The following ING3 variants were observed in gnomAD, a reference collection of about 807,000 sequenced individuals.
The protein encoded by ING3 is inhibitor of growth family member 3.
In ING3, 6 loss-of-function variants were observed where a neutral mutation model predicts 64.8. The ratio of observed to expected loss-of-function variants is 0.09; its 90% confidence interval spans 0.05 to 0.18. The LOEUF (loss-of-function observed/expected upper bound fraction) is 0.18. Ranked by LOEUF, ING3 falls within the 10% of genes least tolerant of loss-of-function variation. The probability of loss-of-function intolerance (pLI) is 1.00; values close to 1 mark genes in which losing one functional copy is unlikely to be tolerated. For missense variants in ING3, 310 were observed against 489.7 expected (o/e 0.63, Z 3.46); for synonymous variants, 170 against 173.7 (o/e 0.98, Z 0.17).
intron 4 of ING3, chr7:120,956,346 C>T (rs191092473): frequency 1.7e-5 from 23 of 1,382,788 alleles, no homozygotes; most frequent in Non-Finnish European, 2.0e-5. Context: ...TCACTTTTGG[C>T]TAACTTCAGT....
Position 120,968,058 on chromosome 7 carries a change from G to A in ING3, c.681G>A (p.Met227Ile). ...GAACTGGTGCAGGGGCAATTACCAT[G>A]GCAGCTGCTCAAGCAGTTCAGGCTA... ...SSGTGAGAIT[M>I]AAAQAVQATA... The change falls in exon 8 of 12, where the codon ATG (methionine) becomes ATA (isoleucine). Residue 227 changes from methionine (M) to isoleucine (I), a missense_variant. Met to Ile is a conservative substitution (Grantham distance 10). This residue lies in a region of ING3 where 233 missense variants were observed against 289.4 expected (regional missense o/e 0.81). Coordinates refer to ENST00000315870, the MANE Select transcript of ING3 (RefSeq NM_019071.3). 6.2e-7 allele frequency: 1 copy of A among 1,614,040 alleles called. No individual in the cohort carries two copies. The highest frequency in any genetic ancestry group is 8.5e-7 in the Non-Finnish European group (1 of 1,180,000).
rs1796132650 is a variant in ING3 at position 120,976,244 on chromosome 7, A to G, written c.*1400A>G. On this transcript the variant is annotated 3_prime_UTR_variant, in exon 12 of 12. Transcript: ENST00000315870. ...ACTTAATATATCATATATATTTTAT[A>G]TTGAAACTTACTGGGTCCATCAGAT... The G allele has an allele frequency of 6.6e-6, 1 of 152,194 alleles. No individual in the cohort carries two copies. The allele number at this position is 152,194 out of a possible 1,614,324, so 9.4% of individuals were successfully genotyped here.
At position 120,951,166 on chromosome 7, in the gene ING3, A is replaced by G. The variant is rs780962589; in HGVS notation, c.31A>G (p.Ile11Val). ...CTGACGGACTCTCCCTTTGACAGTG[A>G]TTGAGCAGCTTCCTATGGATCTGCG... The part of the protein sequence containing the change: MLYLEDYLEM[I>V]EQLPMDLRDR... Residue 11 changes from isoleucine (I) to valine (V), a missense_variant and splice_region_variant, in exon 2 of 12, where the codon ATT becomes GTT. Transcript: ENST00000315870. The G allele has an allele frequency of 1.2e-5, 20 of 1,613,924 alleles. No individual in the cohort carries two copies. In the South Asian group the frequency reaches 1.4e-4, roughly 12 times the overall value.
At chr7:120,952,777 A>G (rs1795786756) in intron 2 of ING3, among the ~76,000 whole-genome samples, 1 of 151,692 alleles carries the variant, frequency 6.6e-6, no homozygotes, top group Non-Finnish European at 1.5e-5. Flanking sequence ...TTTTTAGCAG[A>G]CATCCAATGA....
intron 5 of ING3, among the ~76,000 whole-genome samples, chr7:120,965,850 AG>A (rs1795990715): frequency 6.6e-6 from 1 of 152,176 alleles, no homozygotes; most frequent in South Asian, 2.1e-4. Context: ...AAAGATAATA[AG>A]TATTTTGAGA....
chr7:120,955,690 A>G (rs1584987841), intron 4 of ING3, 66 bp downstream of exon 4: 2 of 1,066,554 alleles, frequency 1.9e-6, no homozygotes, highest in Non-Finnish European at 2.9e-6. Context: ...CTTAAATTGT[A>G]TTGGCTTAAA....
In ING3 at chr7:120,967,914, T is replaced by A; in HGVS notation, c.557-20T>A. The A allele has an allele frequency of 6.2e-7, 1 of 1,612,148 alleles. No homozygotes were observed. Among genetic ancestry groups the A allele is most frequent in the Non-Finnish European group, 8.5e-7 (1 of 1,178,740 alleles). On this transcript the variant is annotated intron_variant, in intron 7 of 11. Transcript: ENST00000315870. ...TATGTTCTCTGCAACCATTTTTATT[T>A]CTTTTTTACATCTACACAGGTTGTC...
At chr7:120,972,360 A>T (rs1173921156) in intron 10 of ING3, among the ~76,000 whole-genome samples, 1 of 152,150 alleles carries the variant, frequency 6.6e-6, no homozygotes, top group Non-Finnish European at 1.5e-5. Flanking sequence ...TGCCAGTCTG[A>T]TTTTTAAAAA....
intron 5 of ING3, 115 bp downstream of exon 5, chr7:120,964,953 C>T: frequency 2.6e-6 from 2 of 756,766 alleles, no homozygotes; most frequent in Non-Finnish European, 4.5e-6. Context: ...TGGTGGCATC[C>T]AGGCCAGATA....
intron 5 of ING3, among the ~76,000 whole-genome samples, chr7:120,965,881 T>C (rs1338259617): frequency 6.6e-6 from 1 of 152,198 alleles, no homozygotes; most frequent in East Asian, 1.9e-4. Context: ...AAATTCTGTA[T>C]CTGCTTTGAT....
chr7:120,967,863 A>G, intron 7 of ING3, 71 bp from the exon 8 acceptor site: 1 of 1,477,284 alleles, frequency 6.8e-7, no homozygotes, highest in Non-Finnish European at 9.3e-7. Flanking sequence ...GTGCTGGGAA[A>G]TAATGTAATT....
intron 4 of ING3, among the ~76,000 whole-genome samples, chr7:120,958,544 C>A (rs80226498): frequency 1.3e-5 from 2 of 152,174 alleles, no homozygotes; most frequent in African/African-American, 4.8e-5. Flanking sequence ...ATACTTCTTG[C>A]GTCTACACTT....
intron 2 of ING3, among the ~76,000 whole-genome samples, chr7:120,951,814 T>G (rs1048520666): frequency 6.6e-6 from 1 of 152,256 alleles, no homozygotes; most frequent in Non-Finnish European, 1.5e-5. Context: ...GTTTCTTATG[T>G]GCTGTACTAA....
intron 1 of ING3, 98 bp from the exon 2 acceptor site, chr7:120,951,066 C>A: frequency 6.6e-7 from 1 of 1,521,094 alleles, no homozygotes; most frequent in Non-Finnish European, 9.1e-7. Flanking sequence ...TCGTTGTGGG[C>A]TGCCGGCCCC....
intron 1 of ING3, 60 bp downstream of exon 1, chr7:120,950,984 G>C (rs1432218917): frequency 6.3e-7 from 1 of 1,591,782 alleles, no homozygotes; most frequent in Non-Finnish European, 8.6e-7. Flanking sequence ...AAGAGCGCGA[G>C]TGGACGGGCA....
chr7:120,974,228 T>A (rs1796106694), intron 11 of ING3, among the ~76,000 whole-genome samples: 1 of 152,172 alleles, frequency 6.6e-6, no homozygotes, highest in Admixed American at 6.5e-5. Context: ...GTTTTCTGCT[T>A]AATATGTTTC....
chr7:120,951,247 C>A lies in ING3; in HGVS notation c.100+12C>A, dbSNP rs113378963. Reference sequence around the variant, plus strand: ...CCTGCAGGTGCAGAGTAAGTCGGCGCGTCTACTACTCCTGTTCGCTGCGCG... The same window carrying A: ...CCTGCAGGTGCAGAGTAAGTCGGCGAGTCTACTACTCCTGTTCGCTGCGCG... On this transcript the variant is annotated intron_variant, in intron 2 of 11. Coordinates refer to ENST00000315870, the MANE Select transcript of ING3 (RefSeq NM_019071.3). 1,968 of 1,613,576 alleles carry A rather than the reference C, an allele frequency of 1.2e-3. 18 individuals are homozygous for A. In the African/African-American group the frequency reaches 0.022, roughly 18 times the overall value.
chr7:120,960,494 A>G (rs139936249), intron 4 of ING3, among the ~76,000 whole-genome samples: 164 of 152,334 alleles, frequency 1.1e-3, no homozygotes, highest in African/African-American at 3.8e-3. Flanking sequence ...GTACATCACC[A>G]TAGTATGCAA....
chr7:120,974,821 A>G lies in ING3; in HGVS notation c.1234A>G (p.Arg412Gly). The change falls in exon 12 of 12, where the codon AGA becomes GGA. Residue 412 changes from arginine (R) to glycine (G), a missense_variant. Physicochemically the swap from Arg to Gly is moderately radical, Grantham distance 125 (BLOSUM62 -2). Coordinates refer to ENST00000315870, the MANE Select transcript of ING3 (RefSeq NM_019071.3). Reference protein sequence around the residue: ...YCPQCTAAMKRRGSRHK With the variant: ...YCPQCTAAMKGRGSRHK ...TCCACAGTGCACTGCTGCAATGAAG[A>G]GAAGAGGCAGCAGACACAAATAAAG... 1 of 1,610,830 alleles carries G rather than the reference A, an allele frequency of 6.2e-7. No homozygotes were observed. The highest frequency in any genetic ancestry group is 8.5e-7 in the Non-Finnish European group (1 of 1,177,878).
Sources: allele counts gnomAD v4.1 joint callset (sites outside exome capture counted in the v4.1 genomes callset), GRCh38; gene constraint gnomAD v4.1.1; regional missense constraint gnomAD v4.1.1; transcripts MANE v1.5; gene names NCBI Gene and HGNC (gene_info 2026-07-23, HGNC 2026-07-21).